IQCH: variants seen among roughly 807,000 people sequenced by gnomAD.
The protein encoded by IQCH is IQ motif containing H.
Under a neutral mutation model 117.0 loss-of-function variants are expected in IQCH, and 98 were observed. The ratio of observed to expected loss-of-function variants is 0.84; its 90% confidence interval spans 0.71 to 0.99. The LOEUF is 0.99. Among genes scored for constraint, IQCH ranks in the 50% least tolerant of loss-of-function variants. The pLI, the probability that IQCH is intolerant of heterozygous loss-of-function variation, is 0.00. For missense variants in IQCH, 1,102 were observed against 1,243.8 expected (o/e 0.89, Z 1.72); for synonymous variants, 412 against 448.2 (o/e 0.92, Z 1.02).
In IQCH at chr15:67,382,629, C is replaced by A. The variant is rs560544724; in HGVS notation, c.1373-2307C>A. ...TCTTTTATTTTATATAACTAAATTT[C>A]TCACAAGAGCTAATATGTAGTATCT... On this transcript the variant is annotated intron_variant, in intron 10 of 20. Transcript: ENST00000335894. Among the ~76,000 whole-genome samples the A allele has an allele frequency of 1.4e-4, 21 of 152,320 alleles. No individual in the cohort carries two copies. In the East Asian group the frequency reaches 2.3e-3, roughly 17 times the overall value.
rs1361875062 is a variant in IQCH at position 67,386,530 on chromosome 15, TA to T, written c.1456+1516del. On this transcript the variant is annotated intron_variant, in intron 11 of 20. Transcript: ENST00000335894. This position sits in a 1 kb window ranked among gnomAD's most constrained non-coding sequence, Gnocchi z 5.0. ...GAAGAAAAAGTACTTTTTTGTGAAA[TA>T]AAAATGTGAAGAAAATAGAAAAATA... 6.6e-6 allele frequency among the ~76,000 whole-genome samples: 1 copy of T among 152,108 alleles called. No homozygotes were observed. The highest frequency in any genetic ancestry group is 2.4e-5 in the African/African-American group (1 of 41,420).
Position 67,492,105 on chromosome 15 carries a change from G to A in IQCH, c.2861+2041G>A, listed in dbSNP as rs113665194. ...AGAACATAGGCCACCGGGAATTACCGGGACTAGGAGAACCAAGCAGTCATC... is the reference window on the plus strand; with the variant it reads ...AGAACATAGGCCACCGGGAATTACCAGGACTAGGAGAACCAAGCAGTCATC... On this transcript the variant is annotated intron_variant, in intron 19 of 20. Coordinates refer to ENST00000335894, the MANE Select transcript of IQCH (RefSeq NM_001031715.3). 5.5e-3 allele frequency among the ~76,000 whole-genome samples: 836 copies of A among 152,200 alleles called. 5 individuals are homozygous for A. The highest frequency in any genetic ancestry group is 8.0e-3 in the Non-Finnish European group (541 of 68,010).
intron 4 of IQCH, among the ~76,000 whole-genome samples, chr15:67,312,457 A>G (rs1055699509): frequency 3.9e-5 from 6 of 152,162 alleles, no homozygotes; most frequent in South Asian, 2.1e-4. Context: ...GGGACAAAGT[A>G]TGCATCAGAA....
intron 18 of IQCH, among the ~76,000 whole-genome samples, chr15:67,484,527 G>A (rs1215663089): frequency 1.3e-5 from 2 of 149,034 alleles, no homozygotes; most frequent in African/African-American, 2.5e-5. Context: ...TCAGGAGTTT[G>A]AGACCAGCCT....
chr15:67,462,354 G>A (rs1205267432), intron 16 of IQCH, among the ~76,000 whole-genome samples: 1 of 151,422 alleles, frequency 6.6e-6, no homozygotes, highest in African/African-American at 2.4e-5. Context: ...CTTGAACCCG[G>A]GAGGCAGAGG....
chr15:67,488,787 C>T (rs965239078), intron 18 of IQCH, among the ~76,000 whole-genome samples: 2 of 152,072 alleles, frequency 1.3e-5, no homozygotes, highest in African/African-American at 2.4e-5. Context: ...ATAGGTTTCC[C>T]GCTCCTAGGA....
rs1273488372 is a variant in IQCH at position 67,336,832 on chromosome 15, C to T, written c.388-143C>T. The T allele has an allele frequency of 5.8e-6, 4 of 694,074 alleles. No homozygotes were observed. The East Asian group carries it at 1.1e-4, about 19-fold the overall frequency. The allele number at this position is 694,074 out of a possible 1,614,324, so 43.0% of individuals were successfully genotyped here. ...GTAGTAGACAATAGCACAGGGTATT[C>T]ATGAGCAATAAAATTGGAGCTGATA... On this transcript the variant is annotated intron_variant, in intron 4 of 20. Coordinates refer to ENST00000335894, the MANE Select transcript of IQCH (RefSeq NM_001031715.3).
intron 4 of IQCH, among the ~76,000 whole-genome samples, chr15:67,293,859 G>A (rs1567071732): frequency 1.3e-5 from 2 of 152,172 alleles, no homozygotes; most frequent in South Asian, 4.1e-4. Flanking sequence ...AAGAAGGGGA[G>A]GGTGCAAGGA....
chr15:67,363,989 C>T (rs184011049), intron 8 of IQCH, among the ~76,000 whole-genome samples: 2 of 152,238 alleles, frequency 1.3e-5, no homozygotes, highest in East Asian at 3.9e-4. Flanking sequence ...CATGTCTTTG[C>T]TATTGTGAAT....
In IQCH at chr15:67,476,383, G is replaced by A. The variant is rs558397144; in HGVS notation, c.2799+565G>A. Among the ~76,000 whole-genome samples, 10 of 152,264 alleles carry A rather than the reference G, an allele frequency of 6.6e-5. No individual in the cohort carries two copies. The highest frequency in any genetic ancestry group is 2.4e-4 in the African/African-American group (10 of 41,544). On this transcript the variant is annotated intron_variant, in intron 18 of 20. Coordinates refer to ENST00000335894, the MANE Select transcript of IQCH (RefSeq NM_001031715.3). This position sits in a 1 kb window ranked among gnomAD's most constrained non-coding sequence, Gnocchi z 4.1. Reference sequence around the variant, plus strand: ...AAGGAGAGAGAGAGAGATCTCTGTTGTCTCTTTTACAAGGTACCAGTTCCG... The same window carrying A: ...AAGGAGAGAGAGAGAGATCTCTGTTATCTCTTTTACAAGGTACCAGTTCCG...
chr15:67,319,775 G>A (rs1968025933), intron 4 of IQCH, among the ~76,000 whole-genome samples: 1 of 152,080 alleles, frequency 6.6e-6, no homozygotes. Flanking sequence ...TTTACATATG[G>A]CTCTTTCAGA....
intron 4 of IQCH, among the ~76,000 whole-genome samples, chr15:67,331,864 C>G (rs1968680827): frequency 6.6e-6 from 1 of 152,202 alleles, no homozygotes; most frequent in Non-Finnish European, 1.5e-5. Context: ...CTGCCAAGCA[C>G]TCTGAGGACA....
chr15:67,425,934 A>C lies in IQCH; in HGVS notation c.2505+4357A>C, dbSNP rs939291857. On this transcript the variant is annotated intron_variant, in intron 16 of 20. Coordinates refer to ENST00000335894, the MANE Select transcript of IQCH (RefSeq NM_001031715.3). This position sits in a 1 kb window ranked among gnomAD's most constrained non-coding sequence, Gnocchi z 5.5. ...GTTTCTATTTTATTTAATGGGTTGT[A>C]TTTTGATACTTTCATTGTTTTGATG... Among the ~76,000 whole-genome samples, 1 of 152,126 alleles carries C rather than the reference A, an allele frequency of 6.6e-6. No individual in the cohort carries two copies. Among genetic ancestry groups the C allele is most frequent in the Admixed American group, 6.5e-5 (1 of 15,272 alleles).
intron 4 of IQCH, among the ~76,000 whole-genome samples, chr15:67,329,515 A>C (rs1386855140): frequency 2.0e-5 from 3 of 152,084 alleles, no homozygotes; most frequent in African/African-American, 7.2e-5. Context: ...TCTGTCACTC[A>C]GGCTGGAATG....
intron 18 of IQCH, among the ~76,000 whole-genome samples, chr15:67,489,328 C>T (rs1004165018): frequency 2.0e-5 from 3 of 149,822 alleles, no homozygotes; most frequent in Non-Finnish European, 4.4e-5. Flanking sequence ...CCACCGCGCC[C>T]GGCCAATTTT....
chr15:67,385,226 TTTTAACCAA>T lies in IQCH; in HGVS notation c.1456+212_1456+220del, dbSNP rs1389797183. The stretch of plus-strand genomic sequence containing the variant: ...AAATCAACTTGAATAAAAAATGACA[TTTTAACCAA>T]TTTACTTGGGCAGTTTTCTAGATTA... On this transcript the variant is annotated intron_variant, in intron 11 of 20. Coordinates refer to ENST00000335894, the MANE Select transcript of IQCH (RefSeq NM_001031715.3). The surrounding 1 kb of genome is among the most constrained non-coding windows in gnomAD (Gnocchi z 4.6). Among the ~76,000 whole-genome samples, 2 of 152,190 alleles carry T rather than the reference TTTTAACCAA, an allele frequency of 1.3e-5. No homozygotes were observed. The highest frequency in any genetic ancestry group is 2.4e-5 in the African/African-American group (1 of 41,462).
rs772184152 is a variant in IQCH at position 67,475,847 on chromosome 15, G to A, written c.2799+29G>A. The A allele has an allele frequency of 2.9e-5, 47 of 1,605,432 alleles. No individual in the cohort carries two copies. Among genetic ancestry groups the A allele is most frequent in the Admixed American group, 5.0e-5 (3 of 59,634 alleles). ...TGAAGGGTTACAGTTGGCCAGGGGC[G>A]GCCAAAGACATGCCTGTGGGTGATC... On this transcript the variant is annotated intron_variant, in intron 18 of 20. Transcript: ENST00000335894. The surrounding 1 kb of genome is among the most constrained non-coding windows in gnomAD (Gnocchi z 5.7).
In IQCH at chr15:67,356,793, A is replaced by T. The variant is rs1280079412; in HGVS notation, c.638-552A>T. Among the ~76,000 whole-genome samples the T allele has an allele frequency of 1.3e-5, 2 of 152,198 alleles. No homozygotes were observed. The highest frequency in any genetic ancestry group is 4.8e-5 in the African/African-American group (2 of 41,438). On this transcript the variant is annotated intron_variant, in intron 6 of 20. Transcript: ENST00000335894. This position sits in a 1 kb window ranked among gnomAD's most constrained non-coding sequence, Gnocchi z 5.3. ...AGAGCATTATCTAGCATGTGGGCCC[A>T]TTCTTCCTCGACCATGGGCTAGGTG...
chr15:67,339,700 C>T (rs926349894), intron 5 of IQCH, among the ~76,000 whole-genome samples: 1 of 152,158 alleles, frequency 6.6e-6, no homozygotes, highest in African/African-American at 2.4e-5. Flanking sequence ...ACAATCTTCT[C>T]CCCTTTTGAC....
Sources: gnomAD v4.1 joint callset for allele counts (sites outside exome capture counted in the v4.1 genomes callset) on GRCh38, gnomAD v4.1.1 for gene constraint, Gnocchi (gnomAD v3.1) non-coding constraint, MANE v1.5 for transcripts, NCBI Gene and HGNC (gene_info 2026-07-23, HGNC 2026-07-21) for gene names.